Variants in TMEM50B observed in about 807,000 individuals in gnomAD.
TMEM50B encodes HCV p7-trans-regulated protein 3.
In TMEM50B, 14 loss-of-function variants were observed where a neutral mutation model predicts 23.4. That is an observed-to-expected ratio of 0.60 (90% CI 0.39 to 0.93). The LOEUF (loss-of-function observed/expected upper bound fraction) is 0.93. TMEM50B is among the 40% of genes least tolerant of loss of function. The pLI is 0.00. For synonymous variants in TMEM50B, 64 were observed against 62.3 expected (o/e 1.03, Z -0.13); for missense variants, 159 against 193.0 (o/e 0.82, Z 1.04).
intron 8 of TMEM50B, chr21:33,432,886 A>T (rs372109363): frequency 6.5e-7 from 1 of 1,528,978 alleles, no homozygotes; most frequent in South Asian, 1.2e-5. Context: ...GTGTGCACAC[A>T]TCTCTTTTTT....
intron 4 of TMEM50B, among the ~76,000 whole-genome samples, chr21:33,461,070 G>A (rs753685157): frequency 2.0e-5 from 3 of 152,152 alleles, no homozygotes; most frequent in Non-Finnish European, 4.4e-5. Context: ...TCTAGATCTC[G>A]ATAATGTAAA....
intron 7 of TMEM50B, among the ~76,000 whole-genome samples, chr21:33,441,144 C>A (rs990722784): frequency 3.3e-5 from 5 of 151,838 alleles, no homozygotes; most frequent in Non-Finnish European, 7.4e-5. Context: ...GCAGGAGAAT[C>A]GGTTGAACCC....
chr21:33,446,655 C>CAAAAAAAAAAAAAAA (rs869154931), downstream of TMEM50B, among the ~76,000 whole-genome samples: 15 of 19,176 alleles, frequency 7.8e-4, 1 homozygote, highest in African/African-American at 1.8e-3. Context: ...CACACACACA[C>CAAAAAAAAAAAAAAA]AAAAAAAAAA....
At chr21:33,468,311 C>T (rs1309157406) in intron 2 of TMEM50B, 1 of 152,856 alleles carries the variant, frequency 6.5e-6, no homozygotes, top group Admixed American at 6.5e-5. Flanking sequence ...CTGATGCTCC[C>T]CTGATGTTGC....
intron 1 of TMEM50B, among the ~76,000 whole-genome samples, chr21:33,476,508 T>C (rs188187713): frequency 6.6e-6 from 1 of 152,266 alleles, no homozygotes; most frequent in Admixed American, 6.5e-5. Flanking sequence ...ACACCTGTAA[T>C]CCCTGCACTT....
At chr21:33,452,249 G>A (rs913481404) in intron 6 of TMEM50B, among the ~76,000 whole-genome samples, 4 of 152,202 alleles carry the variant, frequency 2.6e-5, no homozygotes, top group African/African-American at 9.7e-5. Flanking sequence ...TTCAAAACCA[G>A]GAGTGTCAAG....
chr21:33,475,610 T>C (rs1471513386), intron 1 of TMEM50B, among the ~76,000 whole-genome samples: 1 of 151,656 alleles, frequency 6.6e-6, no homozygotes, highest in Non-Finnish European at 1.5e-5. Context: ...CCTCCCAAAG[T>C]GCTGGGAATA....
rs571461000 is a variant in TMEM50B at position 33,477,837 on chromosome 21, G to A, written c.-42+2001C>T. Among the ~76,000 whole-genome samples, 3 of 146,196 alleles carry A rather than the reference G, an allele frequency of 2.1e-5. No individual in the cohort carries two copies. The Admixed American group carries it at 2.1e-4, about 10-fold the overall frequency. ...AAAAATTATATATATATATACATAA[G>A]TTAAAAATAAACTTTAGGCCGGGCA... On this transcript the variant is annotated intron_variant, in intron 1 of 6. Coordinates refer to ENST00000542230, the MANE Select transcript of TMEM50B (RefSeq NM_006134.7).
At chr21:33,462,490 T>C (rs955874821) in intron 4 of TMEM50B, among the ~76,000 whole-genome samples, 6 of 152,114 alleles carry the variant, frequency 3.9e-5, no homozygotes, top group Non-Finnish European at 7.4e-5. Context: ...TTGGATAAGT[T>C]ACAGTGAAAC....
chr21:33,472,677 G>T (rs556568485), intron 1 of TMEM50B, among the ~76,000 whole-genome samples: 1 of 152,188 alleles, frequency 6.6e-6, no homozygotes, highest in South Asian at 2.1e-4. Context: ...AGGAGTTCGA[G>T]ACCAGCCTGG....
At chr21:33,457,629 C>T (rs1042761526) in intron 5 of TMEM50B, among the ~76,000 whole-genome samples, 18 of 138,872 alleles carry the variant, frequency 1.3e-4, no homozygotes, top group African/African-American at 4.9e-4. Flanking sequence ...CCAGCCTGGG[C>T]GACAAGAGTG....
downstream of TMEM50B, among the ~76,000 whole-genome samples, chr21:33,445,464 C>T (rs2084044357): frequency 6.6e-6 from 1 of 152,254 alleles, no homozygotes; most frequent in African/African-American, 2.4e-5. Context: ...TGGCAAAAAG[C>T]TAAAAAGTCA....
downstream of TMEM50B, among the ~76,000 whole-genome samples, chr21:33,448,282 C>G (rs979749017): frequency 6.6e-6 from 1 of 151,948 alleles, no homozygotes; most frequent in Admixed American, 6.6e-5. Context: ...CGTGAGCCCC[C>G]ACGCCTGACC....
chr21:33,443,579 C>G (rs551806441), intron 7 of TMEM50B, among the ~76,000 whole-genome samples: 1 of 152,148 alleles, frequency 6.6e-6, no homozygotes, highest in Non-Finnish European at 1.5e-5. Context: ...AGGGATATGA[C>G]GACTAAATGC....
chr21:33,449,549 G>C lies in TMEM50B; in HGVS notation c.*1269C>G, dbSNP rs1414776235. 1.3e-5 allele frequency: 2 copies of C among 152,282 alleles called. No homozygotes were observed. The highest frequency in any genetic ancestry group is 4.8e-5 in the African/African-American group (2 of 41,434). 9.4% of individuals were successfully genotyped at this position (152,282 alleles called of 1,614,324 possible). A position where few individuals can be genotyped will look rare whatever the true frequency, so the allele number is the denominator to read the frequency against. On this transcript the variant is annotated 3_prime_UTR_variant, in exon 7 of 7. Coordinates refer to ENST00000542230, the MANE Select transcript of TMEM50B (RefSeq NM_006134.7). The stretch of plus-strand genomic sequence containing the variant: ...ATACAGTACTGCAAACTCAGTAAAA[G>C]GAGTTTTTGATTGGAGTATGAACTT...
chr21:33,441,924 C>T (rs2084012225), intron 7 of TMEM50B, among the ~76,000 whole-genome samples: 1 of 152,194 alleles, frequency 6.6e-6, no homozygotes. Flanking sequence ...AGCCACCACG[C>T]CCGGCCTTGT....
At chr21:33,436,314 G>A (rs1018589165) in intron 8 of TMEM50B, among the ~76,000 whole-genome samples, 3 of 151,546 alleles carry the variant, frequency 2.0e-5, no homozygotes, top group Admixed American at 6.6e-5. Flanking sequence ...GGGCAACAAC[G>A]TGAAACTCCG....
chr21:33,432,888 CTCT>C lies in TMEM50B; in HGVS notation c.*2121-89_*2121-87del, dbSNP rs753453319. 667 of 1,333,874 alleles carry C rather than the reference CTCT, an allele frequency of 5.0e-4. No homozygotes were observed. Among genetic ancestry groups the C allele is most frequent in the Non-Finnish European group, 5.7e-4 (549 of 970,270 alleles). 82.6% of individuals were successfully genotyped at this position (1,333,874 alleles called of 1,614,324 possible). On this transcript the variant is annotated intron_variant and NMD_transcript_variant, in intron 8 of 8. Transcript: ENST00000420455. ...ATAGAAGAGGTACGTGTGCACACAT[CTCT>C]TTTTTTTTTTTTGAGACAGGGTCTT...
chr21:33,478,892 T>C lies in TMEM50B; in HGVS notation c.-42+946A>G, dbSNP rs1395591584. Reference sequence around the variant, plus strand: ...CAAGGGATCCACAGTGCAGGTAGGATGAAGAGTCTGAGAAGGGAGATGGGA... The same window carrying C: ...CAAGGGATCCACAGTGCAGGTAGGACGAAGAGTCTGAGAAGGGAGATGGGA... On this transcript the variant is annotated intron_variant, in intron 1 of 6. Transcript: ENST00000542230. The C allele has an allele frequency of 9.0e-5, 41 of 457,300 alleles. No homozygotes were observed. In the Admixed American group the frequency reaches 9.9e-4, roughly 11 times the overall value. The allele number at this position is 457,300 out of a possible 1,614,324, so 28.3% of individuals were successfully genotyped here.
Sources: allele counts gnomAD v4.1 joint callset (sites outside exome capture counted in the v4.1 genomes callset), GRCh38; gene constraint gnomAD v4.1.1; transcripts MANE v1.5; gene names NCBI Gene and HGNC (gene_info 2026-07-23, HGNC 2026-07-21).